The following TECTA variants were observed in gnomAD, a reference collection of about 807,000 sequenced individuals.
TECTA encodes alpha-tectorin.
A neutral mutation model predicts 216.8 loss-of-function variants in TECTA; 128 were observed. The observed-to-expected ratio is 0.59, with a 90% CI of 0.51 to 0.68. TECTA has a LOEUF of 0.68. TECTA is among the 30% of genes least tolerant of loss of function. The pLI is 0.00. For synonymous variants in TECTA, 1,089 were observed against 1,117.1 expected, an observed-to-expected ratio of 0.97 and a Z score of 0.50; for missense variants, 2,551 against 2,786.2, an observed-to-expected ratio of 0.92 and a Z score of 1.90.
intron 8 of TECTA, 89 bp downstream of exon 8, chr11:121,125,961 G>A (rs1246708141): frequency 1.2e-5 from 17 of 1,448,910 alleles, no homozygotes; most frequent in Non-Finnish European, 1.5e-5. Flanking sequence ...TCCTTGTTAA[G>A]ACTTGTGACC....
intron 3 of TECTA, among the ~76,000 whole-genome samples, chr11:121,107,116 C>G (rs1029840715): frequency 1.3e-5 from 2 of 152,212 alleles, no homozygotes; most frequent in Admixed American, 6.5e-5. Flanking sequence ...TCCTGAAACG[C>G]CTTTTATACT....
At chr11:121,180,001 C>G (rs536047575) in intron 20 of TECTA, among the ~76,000 whole-genome samples, 1 of 150,092 alleles carries the variant, frequency 6.7e-6, no homozygotes, top group Admixed American at 6.6e-5. Flanking sequence ...GCTGTTCAAC[C>G]AGTCTGTATC....
At chr11:121,173,727 A>T (rs1418811039) in intron 20 of TECTA, among the ~76,000 whole-genome samples, 5 of 151,982 alleles carry the variant, frequency 3.3e-5, no homozygotes, top group Non-Finnish European at 5.9e-5. Context: ...TTCTGTGAAG[A>T]AAGTCATTGG....
chr11:121,186,762 G>A (rs1185216612), intron 20 of TECTA, among the ~76,000 whole-genome samples: 1 of 152,164 alleles, frequency 6.6e-6, no homozygotes, highest in African/African-American at 2.4e-5. Context: ...TTTCCTTATT[G>A]CTAAGCTATT....
intron 12 of TECTA, 91 bp from the exon 13 acceptor site, chr11:121,152,790 C>A: frequency 7.2e-7 from 1 of 1,389,198 alleles, no homozygotes. Context: ...CCGTGCCTTT[C>A]ATCTCCCTGA....
At chr11:121,159,794 T>G (rs1946979889) in intron 14 of TECTA, among the ~76,000 whole-genome samples, 1 of 152,226 alleles carries the variant, frequency 6.6e-6, no homozygotes, top group Non-Finnish European at 1.5e-5. Context: ...TTTCTAAGGT[T>G]TCCTTATCTC....
intron 6 of TECTA, among the ~76,000 whole-genome samples, chr11:121,116,929 A>G (rs553630991): frequency 5.9e-5 from 9 of 152,264 alleles, no homozygotes; most frequent in Admixed American, 4.6e-4. Flanking sequence ...TGGGAATGTG[A>G]CTAAATCTAT....
At chr11:121,152,341 GA>G (rs1380175530) in intron 12 of TECTA, among the ~76,000 whole-genome samples, 1 of 152,252 alleles carries the variant, frequency 6.6e-6, no homozygotes, top group African/African-American at 2.4e-5. Flanking sequence ...TGCTGGCTTA[GA>G]AAAACGTTCT....
rs377338360 is a variant in TECTA at position 121,164,728 on chromosome 11, G to T, written c.5273-545G>T. On this transcript the variant is annotated intron_variant, in intron 16 of 23. Transcript: ENST00000392793. ...AAGATCATGGGGGAAAGTGGACCAA[G>T]AATCGGAAAGGACTAAGAAGCCCTG... 1.7e-3 allele frequency among the ~76,000 whole-genome samples: 258 copies of T among 152,204 alleles called. 1 individual carries two copies. The highest frequency in any genetic ancestry group is 6.0e-3 in the African/African-American group (250 of 41,512).
chr11:121,162,409 G>C (rs758941686), intron 16 of TECTA, 39 bp downstream of exon 16: 3 of 1,598,356 alleles, frequency 1.9e-6, no homozygotes, highest in South Asian at 1.1e-5. Context: ...TCCATTTTCA[G>C]TGAAAAGAAC....
Position 121,166,612 on chromosome 11 carries a change from C to T in TECTA, c.5418C>T (p.Cys1806=). The change falls in exon 18 of 24, where the codon TGC becomes TGT. Residue 1806 remains cysteine, a synonymous_variant. Coordinates refer to ENST00000392793, the MANE Select transcript of TECTA (RefSeq NM_005422.4). ...ACATTATCGATGCAGAGGTGACCTGCAAAGCAGCCCAAATGGAAGTGTCCA... is the reference window on the plus strand; with the variant it reads ...ACATTATCGATGCAGAGGTGACCTGTAAAGCAGCCCAAATGGAAGTGTCCA... ...SHDIIDAEVT[C]KAAQMEVSIS... 6.2e-7 allele frequency: 1 copy of T among 1,614,162 alleles called. No homozygotes were observed. The highest frequency in any genetic ancestry group is 8.5e-7 in the Non-Finnish European group (1 of 1,180,028).
intron 14 of TECTA, 109 bp from the exon 15 acceptor site, chr11:121,160,024 CAG>C: frequency 8.1e-7 from 1 of 1,242,218 alleles, no homozygotes; most frequent in Non-Finnish European, 1.2e-6. Context: ...GTCGTTGAGA[CAG>C]AGATCACAGG....
rs1292435096 is a variant in TECTA at position 121,128,187 on chromosome 11, A to G, written c.2210A>G (p.Tyr737Cys). Residue 737 changes from tyrosine (Y) to cysteine (C), a missense_variant, in exon 9 of 24, where the codon TAC becomes TGC. Transcript: ENST00000392793. ...ASYAFPSEFS[Y>C]TLLKTCPERP... ...TACGCCTTCCCCTCCGAGTTCTCCT[A>G]CACCCTCCTGAAGACCTGCCCTGAG... 1.9e-6 allele frequency: 3 copies of G among 1,607,930 alleles called. No homozygotes were observed. Among genetic ancestry groups the G allele is most frequent in the Non-Finnish European group, 2.5e-6 (3 of 1,179,992 alleles).
chr11:121,130,336 C>A (rs1946661775), intron 10 of TECTA, 125 bp downstream of exon 10: 2 of 1,076,938 alleles, frequency 1.9e-6, no homozygotes, highest in Non-Finnish European at 1.3e-6. Context: ...ACTGTGTATA[C>A]CTACCCTAGT....
intron 12 of TECTA, 33 bp from the exon 13 acceptor site, chr11:121,152,848 C>G (rs768317928): frequency 5.1e-6 from 8 of 1,574,794 alleles, no homozygotes; most frequent in Non-Finnish European, 6.1e-6. Context: ...GCCTTGTGAT[C>G]GTGCGAGTCT....
chr11:121,177,220 A>G (rs1947176420), intron 20 of TECTA, among the ~76,000 whole-genome samples: 1 of 152,154 alleles, frequency 6.6e-6, no homozygotes, highest in Non-Finnish European at 1.5e-5. Context: ...GCTGGTGAGG[A>G]GCTGCATTCC....
chr11:121,125,683 A>C lies in TECTA; in HGVS notation c.1585A>C (p.Lys529Gln), dbSNP rs1295699419. The part of the protein sequence containing the change: ...FGSDYCGFLN[K>Q]TDGPLWECGT... ...CTCTGACTACTGCGGCTTCCTCAAC[A>C]AGACAGACGGCCCTCTGTGGGAGTG... The change falls in exon 8 of 24, where the codon AAG becomes CAG. Residue 529 changes from lysine to glutamine, a missense_variant. Around this residue, in one of 3 missense-constraint regions of TECTA, gnomAD observed 2,375 missense variants for 2,563.9 expected, o/e 0.93. Transcript: ENST00000392793. 7 of 1,609,934 alleles carry C rather than the reference A, an allele frequency of 4.3e-6. No homozygotes were observed. In the South Asian group the frequency reaches 6.6e-5, roughly 15 times the overall value.
chr11:121,154,974 A>G (rs1591457301), intron 13 of TECTA, among the ~76,000 whole-genome samples: 1 of 152,244 alleles, frequency 6.6e-6, no homozygotes, highest in African/African-American at 2.4e-5. Flanking sequence ...TTAGTACTAC[A>G]GTGCAAACAT....
chr11:121,181,846 G>GTATA (rs60623280), intron 20 of TECTA, among the ~76,000 whole-genome samples: 59,537 of 151,786 alleles, frequency 0.39, 12,336 homozygotes, highest in African/African-American at 0.52. Context: ...TGTGCATCTG[G>GTATA]TATAATAGTT....
Sources: gnomAD v4.1 joint callset for allele counts (sites outside exome capture counted in the v4.1 genomes callset) on GRCh38, gnomAD v4.1.1 for gene constraint, gnomAD v4.1.1 regional missense constraint, MANE v1.5 for transcripts, NCBI Gene and HGNC (gene_info 2026-07-23, HGNC 2026-07-21) for gene names.